Variants in DLG2 observed in about 807,000 individuals in gnomAD.
DLG2 encodes disks large homolog 2.
In DLG2, 45 loss-of-function variants were observed where a neutral mutation model predicts 132.5. The observed-to-expected ratio is 0.34, with a 90% CI of 0.27 to 0.44. The LOEUF (loss-of-function observed/expected upper bound fraction) is 0.44. Among genes scored for constraint, DLG2 ranks in the 20% least tolerant of loss-of-function variants. The probability of loss-of-function intolerance (pLI) is 1.00; values close to 1 mark genes in which losing one functional copy is unlikely to be tolerated. For missense variants in DLG2, 1,045 were observed against 1,196.9 expected (o/e 0.87, Z 1.87); for synonymous variants, 424 against 419.6 (o/e 1.01, Z -0.13).
intron 3 of DLG2, among the ~76,000 whole-genome samples, chr11:85,549,799 T>C (rs1245546614): frequency 2.0e-5 from 3 of 152,220 alleles, no homozygotes; most frequent in Non-Finnish European, 4.4e-5. Flanking sequence ...CTAATTATAA[T>C]GCATTAGCAT....
intron 19 of DLG2, among the ~76,000 whole-genome samples, chr11:83,578,140 A>G (rs2096913506): frequency 6.7e-6 from 1 of 149,338 alleles, no homozygotes; most frequent in African/African-American, 2.5e-5. Context: ...GAAGAAAGAA[A>G]ACTATACTTT....
At chr11:85,613,028 T>A (rs940803258) in intron 2 of DLG2, among the ~76,000 whole-genome samples, 1 of 152,100 alleles carries the variant, frequency 6.6e-6, no homozygotes, top group South Asian at 2.1e-4. Flanking sequence ...TACTAACCAG[T>A]CAGGGATAGT....
At chr11:83,920,101 G>T (rs1298215175) in intron 15 of DLG2, among the ~76,000 whole-genome samples, 1 of 152,110 alleles carries the variant, frequency 6.6e-6, no homozygotes, top group Non-Finnish European at 1.5e-5. Flanking sequence ...GTAAAATTTG[G>T]ACAAAGGCTT....
chr11:83,670,095 G>A (rs1480200464), intron 18 of DLG2, among the ~76,000 whole-genome samples: 1 of 152,168 alleles, frequency 6.6e-6, no homozygotes, highest in East Asian at 1.9e-4. Flanking sequence ...TTATCCAGCT[G>A]AGGACAGGCA....
chr11:84,503,930 G>A lies in DLG2; in HGVS notation c.519+30640C>T, dbSNP rs570313525. On this transcript the variant is annotated intron_variant, in intron 7 of 27. Transcript: ENST00000376104. ...AAGCACTGTGTACAGAGATTTCTATGTTCTTTTCCCTACACTGCACTCTGA... is the reference window on the plus strand; with the variant it reads ...AAGCACTGTGTACAGAGATTTCTATATTCTTTTCCCTACACTGCACTCTGA... Among the ~76,000 whole-genome samples, 4 of 152,014 alleles carry A rather than the reference G, an allele frequency of 2.6e-5. No individual in the cohort carries two copies. The South Asian group carries it at 8.3e-4, about 32-fold the overall frequency.
intron 7 of DLG2, among the ~76,000 whole-genome samples, chr11:84,397,263 T>C (rs1458005095): frequency 6.6e-6 from 1 of 152,184 alleles, no homozygotes. Flanking sequence ...TTTAAACTTC[T>C]TAAGGGAGAA....
At chr11:84,010,240 G>A (rs2094808011) in intron 11 of DLG2, among the ~76,000 whole-genome samples, 1 of 151,790 alleles carries the variant, frequency 6.6e-6, no homozygotes, top group Non-Finnish European at 1.5e-5. Context: ...AAATGATCAT[G>A]ACCACTGACA....
chr11:83,795,340 A>G (rs967718276), intron 17 of DLG2, among the ~76,000 whole-genome samples: 2 of 152,072 alleles, frequency 1.3e-5, no homozygotes, highest in African/African-American at 4.8e-5. Context: ...CATGGGAGGC[A>G]GAGCTTGCAG....
At position 83,791,486 on chromosome 11, in the gene DLG2, C is replaced by T. The variant is rs544349143; in HGVS notation, c.1723-4694G>A. 5.2e-5 allele frequency: 36 copies of T among 687,768 alleles called. No homozygotes were observed. The African/African-American group carries it at 5.4e-4, about 10-fold the overall frequency. The allele number at this position is 687,768 out of a possible 1,614,324, so 42.6% of individuals were successfully genotyped here. A position where few individuals can be genotyped will look rare whatever the true frequency, so the allele number is the denominator to read the frequency against. On this transcript the variant is annotated intron_variant, in intron 17 of 27. Transcript: ENST00000376104. The stretch of plus-strand genomic sequence containing the variant: ...TTATCTTTCCAAAGTCACTGGCTAG[C>T]GATGGTTGTTGTACTACCATGAAAT...
intron 16 of DLG2, among the ~76,000 whole-genome samples, chr11:83,861,587 G>T (rs1427021140): frequency 6.6e-6 from 1 of 152,088 alleles, no homozygotes; most frequent in East Asian, 1.9e-4. Flanking sequence ...TAAAACTGGA[G>T]ATCATTATAT....
chr11:85,497,882 G>C (rs1435760359), intron 3 of DLG2, among the ~76,000 whole-genome samples: 2 of 152,184 alleles, frequency 1.3e-5, no homozygotes, highest in Non-Finnish European at 2.9e-5. Context: ...CAAATGCTGA[G>C]AGATTTTGTC....
intron 26 of DLG2, among the ~76,000 whole-genome samples, chr11:83,465,567 G>A (rs1358642742): frequency 1.3e-5 from 2 of 152,130 alleles, no homozygotes; most frequent in Non-Finnish European, 2.9e-5. Flanking sequence ...CTCTTGCACT[G>A]TCATGGAAGA....
At chr11:83,929,844 T>C (rs2079811549) in intron 15 of DLG2, among the ~76,000 whole-genome samples, 1 of 152,186 alleles carries the variant, frequency 6.6e-6, no homozygotes, top group Non-Finnish European at 1.5e-5. Flanking sequence ...GCTTAATACC[T>C]TAAAGACTCA....
intron 6 of DLG2, among the ~76,000 whole-genome samples, chr11:84,858,972 A>C (rs957927248): frequency 6.6e-6 from 1 of 152,070 alleles, no homozygotes; most frequent in African/African-American, 2.4e-5. Context: ...TTGTTTAGCT[A>C]TATAACTTTG....
chr11:84,391,485 C>T (rs1451948457), intron 7 of DLG2, among the ~76,000 whole-genome samples: 1 of 151,998 alleles, frequency 6.6e-6, no homozygotes, highest in East Asian at 1.9e-4. Flanking sequence ...TTCATCTTTC[C>T]AACAACCAGT....
At position 84,841,622 on chromosome 11, in the gene DLG2, G is replaced by C. The variant is rs562379599; in HGVS notation, c.357+270039C>G. 5.9e-5 allele frequency among the ~76,000 whole-genome samples: 9 copies of C among 152,062 alleles called. No individual in the cohort carries two copies. The South Asian group carries it at 1.7e-3, about 28-fold the overall frequency. On this transcript the variant is annotated intron_variant, in intron 6 of 27. Transcript: ENST00000376104. ...ATAAATATTTATTCTATGAACAAAT[G>C]AATCTCATTTTTGAACAGATTAAAA...
chr11:84,358,179 T>G (rs2098629091), intron 7 of DLG2, among the ~76,000 whole-genome samples: 1 of 151,878 alleles, frequency 6.6e-6, no homozygotes, highest in African/African-American at 2.4e-5. Context: ...TCATGCACAC[T>G]TTCTAAATCA....
chr11:84,294,374 G>A (rs531929524), intron 7 of DLG2, among the ~76,000 whole-genome samples: 58 of 152,236 alleles, frequency 3.8e-4, no homozygotes, highest in African/African-American at 1.4e-3. Flanking sequence ...CAAGGCGGTG[G>A]ATCATCTGAG....
intron 17 of DLG2, among the ~76,000 whole-genome samples, chr11:83,819,960 A>G (rs2050291995): frequency 1.0e-5 from 1 of 95,590 alleles, no homozygotes; most frequent in Admixed American, 8.6e-5. Flanking sequence ...AATAATAATA[A>G]ACAAAGTCAC....
Sources: allele counts gnomAD v4.1 joint callset (sites outside exome capture counted in the v4.1 genomes callset), GRCh38; gene constraint gnomAD v4.1.1; transcripts MANE v1.5; gene names NCBI Gene and HGNC (gene_info 2026-07-23, HGNC 2026-07-21).